Variants in SUGCT observed in about 807,000 individuals in gnomAD.
The protein encoded by SUGCT is succinyl-CoA:glutarate-CoA transferase.
SUGCT carries 41 observed loss-of-function variants against 55.0 expected under a neutral mutation model. The ratio of observed to expected loss-of-function variants is 0.74; its 90% CI spans 0.58 to 0.97. The LOEUF (loss-of-function observed/expected upper bound fraction) is 0.97, where lower values mean the gene tolerates loss of function less well. Ranked by LOEUF, SUGCT falls within the 50% of genes least tolerant of loss-of-function variation. The pLI, the probability that SUGCT is intolerant of heterozygous loss-of-function variation, is 0.00. For missense variants in SUGCT, 568 were observed against 547.8 expected (o/e 1.04, Z -0.37); for synonymous variants, 187 against 200.4 (o/e 0.93, Z 0.56).
At chr7:40,876,933 C>T in the SUGCT span, among the ~76,000 whole-genome samples, 13 of 152,258 alleles carry the variant, frequency 8.5e-5, no homozygotes, top group South Asian at 2.1e-4. Flanking sequence ...CTAATTTCCC[C>T]GAGATCTTTT....
Position 40,449,350 on chromosome 7 carries a change from G to T in SUGCT, c.880G>T (p.Val294Phe). The change falls in exon 10 of 14, where the codon GTC (valine) becomes TTC (phenylalanine). Residue 294 changes from valine (V) to phenylalanine (F), a missense_variant. Val to Phe is a conservative substitution (Grantham distance 50). Coordinates refer to ENST00000335693, the MANE Select transcript of SUGCT (RefSeq NM_001193313.2). ...GAGNNQQFATVCKILDLPELI... is the reference protein window; with the variant it reads ...GAGNNQQFATFCKILDLPELI... Reference sequence around the variant, plus strand: ...AGGAAATAACCAGCAGTTTGCCACCGTCTGCAAGGTAATCTATAATTATTG... The same window carrying T: ...AGGAAATAACCAGCAGTTTGCCACCTTCTGCAAGGTAATCTATAATTATTG... 6.2e-7 allele frequency: 1 copy of T among 1,609,252 alleles called. No homozygotes were observed. Among genetic ancestry groups the T allele is most frequent in the Non-Finnish European group, 8.5e-7 (1 of 1,176,328 alleles).
intron 12 of SUGCT, among the ~76,000 whole-genome samples, chr7:40,575,164 G>A (rs1016466438): frequency 5.3e-5 from 8 of 151,486 alleles, no homozygotes; most frequent in Admixed American, 3.3e-4. Flanking sequence ...TAAATTCTTC[G>A]GATCGTCTGC....
chr7:40,793,772 A>G (rs1464199963), intron 13 of SUGCT, among the ~76,000 whole-genome samples: 2 of 152,076 alleles, frequency 1.3e-5, no homozygotes, highest in South Asian at 2.1e-4. Context: ...AGTTAGCTGT[A>G]TGTTAACCCT....
At chr7:40,943,804 A>C in the SUGCT span, among the ~76,000 whole-genome samples, 1 of 152,026 alleles carries the variant, frequency 6.6e-6, no homozygotes, top group South Asian at 2.1e-4. Context: ...CAGTAATGGG[A>C]TGGCTGGGTC....
intron 12 of SUGCT, among the ~76,000 whole-genome samples, chr7:40,555,178 A>G (rs951786346): frequency 6.6e-6 from 1 of 151,726 alleles, no homozygotes; most frequent in Non-Finnish European, 1.5e-5. Flanking sequence ...CCAGAGCTGG[A>G]CCAGTTCCCA....
At chr7:40,304,152 A>G (rs4307231) in intron 8 of SUGCT, among the ~76,000 whole-genome samples, 1,832 of 152,178 alleles carry the variant, frequency 0.012, 31 homozygotes, top group African/African-American at 0.042. Context: ...TGACAAATAG[A>G]GAATTGGAGA....
At chr7:40,277,130 T>C (rs1057179457) in intron 8 of SUGCT, among the ~76,000 whole-genome samples, 6 of 152,306 alleles carry the variant, frequency 3.9e-5, no homozygotes, top group Non-Finnish European at 8.8e-5. Context: ...AAAGTAGCAG[T>C]GATTTGGCCT....
the SUGCT span, among the ~76,000 whole-genome samples, chr7:41,005,671 G>A: frequency 9.7e-3 from 1,476 of 152,278 alleles, 17 homozygotes; most frequent in African/African-American, 0.031. Flanking sequence ...GGTTACCTAT[G>A]TTTAGGTTTG....
the SUGCT span, among the ~76,000 whole-genome samples, chr7:40,918,245 G>A: frequency 7.9e-5 from 12 of 152,078 alleles, no homozygotes; most frequent in Middle Eastern, 3.4e-3. Flanking sequence ...GGCGGATCAC[G>A]AGGTCAGGAG....
intron 12 of SUGCT, among the ~76,000 whole-genome samples, chr7:40,607,573 G>A (rs1161297181): frequency 6.6e-6 from 1 of 152,134 alleles, no homozygotes; most frequent in Admixed American, 6.6e-5. Context: ...CAAGCTTTTA[G>A]CCACAGAGCT....
At chr7:41,027,334 G>T in the SUGCT span, among the ~76,000 whole-genome samples, 3 of 152,192 alleles carry the variant, frequency 2.0e-5, no homozygotes, top group African/African-American at 7.2e-5. Context: ...AAAGGACCTT[G>T]GCCAGGGCAG....
At chr7:40,513,455 A>G (rs1271054199) in intron 12 of SUGCT, among the ~76,000 whole-genome samples, 1 of 152,168 alleles carries the variant, frequency 6.6e-6, no homozygotes, top group Non-Finnish European at 1.5e-5. Context: ...TTAGGATCAT[A>G]AAACTTGTTT....
intron 1 of SUGCT, chr7:40,153,965 C>G (rs1182996390): frequency 6.4e-6 from 2 of 314,348 alleles, no homozygotes; most frequent in Non-Finnish European, 1.3e-5. Flanking sequence ...CTACAACAGG[C>G]CAAGCTGTAC....
intron 12 of SUGCT, 62 bp from the exon 13 acceptor site, chr7:40,749,372 C>A: frequency 7.6e-7 from 1 of 1,307,646 alleles, no homozygotes; most frequent in Non-Finnish European, 1.1e-6. Flanking sequence ...GCTGTCCATG[C>A]CTTGCAATTG....
chr7:40,380,948 C>T (rs1288625218), intron 9 of SUGCT, among the ~76,000 whole-genome samples: 6 of 152,084 alleles, frequency 3.9e-5, no homozygotes, highest in Non-Finnish European at 8.8e-5. Flanking sequence ...AAATGAAATG[C>T]GTAGCTTTTT....
At chr7:40,952,012 C>A in the SUGCT span, among the ~76,000 whole-genome samples, 49,447 of 151,926 alleles carry the variant, frequency 0.33, 8,875 homozygotes, top group Admixed American at 0.44. Flanking sequence ...TATCCTTGTC[C>A]ATTTTCTGTC....
the SUGCT span, among the ~76,000 whole-genome samples, chr7:40,920,678 T>C: frequency 6.6e-6 from 1 of 152,280 alleles, no homozygotes; most frequent in South Asian, 2.1e-4. Flanking sequence ...TCCTCCCAAA[T>C]TGTTGATTGG....
chr7:40,469,732 C>G (rs140929059), intron 11 of SUGCT, among the ~76,000 whole-genome samples: 1 of 128,958 alleles, frequency 7.8e-6, no homozygotes, highest in African/African-American at 2.9e-5. Context: ...TTTTTTTTTT[C>G]CAAGAGGGCT....
At chr7:41,029,007 T>G in the SUGCT span, among the ~76,000 whole-genome samples, 1 of 152,192 alleles carries the variant, frequency 6.6e-6, no homozygotes, top group Non-Finnish European at 1.5e-5. Context: ...AAATCATATT[T>G]TTGGCATGTC....
Sources: gnomAD v4.1 joint callset for allele counts (sites outside exome capture counted in the v4.1 genomes callset) on GRCh38, gnomAD v4.1.1 for gene constraint, MANE v1.5 for transcripts, NCBI Gene and HGNC (gene_info 2026-07-23, HGNC 2026-07-21) for gene names.